Variants in SNTG1 observed in about 807,000 individuals in gnomAD.
The protein encoded by SNTG1 is syntrophin gamma 1, also known as gamma-1-syntrophin.
SNTG1 carries 39 observed loss-of-function variants against 74.7 expected under a neutral mutation model. The observed-to-expected ratio is 0.52, with a 90% CI of 0.40 to 0.68. SNTG1 has a LOEUF of 0.68. SNTG1 is among the 30% of genes least tolerant of loss of function. SNTG1 has a pLI of 0.00. For synonymous variants in SNTG1, 254 were observed against 217.1 expected, an observed-to-expected ratio of 1.17 and a Z score of -1.49; for missense variants, 685 against 609.5, an observed-to-expected ratio of 1.12 and a Z score of -1.30.
At chr8:50,235,748 T>C (rs2085857790) in intron 2 of SNTG1, among the ~76,000 whole-genome samples, 1 of 152,162 alleles carries the variant, frequency 6.6e-6, no homozygotes, top group Non-Finnish European at 1.5e-5. Context: ...TTTTACTTTG[T>C]AGGTGTTCTT....
intron 9 of SNTG1, among the ~76,000 whole-genome samples, chr8:50,517,710 G>A (rs886784846): frequency 2.0e-5 from 3 of 150,982 alleles, no homozygotes. Context: ...AGACAAAGAA[G>A]GGCATTATAT....
intron 12 of SNTG1, among the ~76,000 whole-genome samples, chr8:50,587,692 G>T (rs2094660293): frequency 6.6e-6 from 1 of 151,770 alleles, no homozygotes; most frequent in Admixed American, 6.6e-5. Flanking sequence ...GGGTGTGGTG[G>T]TGCACGCCTG....
At chr8:50,517,109 C>G (rs573348112) in intron 9 of SNTG1, among the ~76,000 whole-genome samples, 51 of 152,280 alleles carry the variant, frequency 3.3e-4, no homozygotes, top group Non-Finnish European at 6.5e-4. Context: ...CGCAGAAACT[C>G]AACAAGCCAG....
chr8:50,432,629 G>A (rs2093250719), intron 4 of SNTG1, among the ~76,000 whole-genome samples: 1 of 151,904 alleles, frequency 6.6e-6, no homozygotes, highest in Admixed American at 6.6e-5. Flanking sequence ...AAAATATTGA[G>A]TCTTTCAATT....
chr8:50,376,729 T>TTATA (rs375978893), intron 2 of SNTG1, among the ~76,000 whole-genome samples: 81 of 100,586 alleles, frequency 8.1e-4, no homozygotes, highest in African/African-American at 1.7e-3. Context: ...TATTAATAAA[T>TTATA]TATATATATA....
rs190756716 is a variant in SNTG1, at chr8:50,206,749, T to G, written c.-28+34114T>G. ...TTTTGAAATATGTCCCATCAATACC[T>G]AGTTTATTGAGAGTTTTTAGCATGA... On this transcript the variant is annotated intron_variant, in intron 2 of 18. Transcript: ENST00000642720. Among the ~76,000 whole-genome samples, 6 of 152,214 alleles carry G rather than the reference T, an allele frequency of 3.9e-5. No homozygotes were observed. In the East Asian group the frequency reaches 1.2e-3, roughly 29 times the overall value.
intron 1 of SNTG1, among the ~76,000 whole-genome samples, chr8:50,083,662 A>G (rs1822611994): frequency 6.6e-6 from 1 of 152,230 alleles, no homozygotes; most frequent in African/African-American, 2.4e-5. Flanking sequence ...AATGCAAGCA[A>G]CTACTTCAAG....
rs573012589 is a variant in SNTG1 at position 50,502,513 on chromosome 8, G to A, written c.364-265G>A. Among the ~76,000 whole-genome samples the A allele has an allele frequency of 2.6e-5, 4 of 152,266 alleles. No homozygotes were observed. The East Asian group carries it at 7.7e-4, about 29-fold the overall frequency. ...GATTCCTCATATTGCCTAATATAGA[G>A]CATAAACTCAGGAAGACCTCAACAA... On this transcript the variant is annotated intron_variant, in intron 8 of 18. Coordinates refer to ENST00000642720, the MANE Select transcript of SNTG1 (RefSeq NM_018967.5).
At chr8:50,442,772 A>T (rs2093370370) in intron 5 of SNTG1, among the ~76,000 whole-genome samples, 1 of 151,576 alleles carries the variant, frequency 6.6e-6, no homozygotes, top group African/African-American at 2.4e-5. Flanking sequence ...CTTCCCCCAA[A>T]GCTGGACAAA....
At chr8:50,762,483 C>T in intron 18 of SNTG1, 2 of 348,512 alleles carry the variant, frequency 5.7e-6, no homozygotes, top group South Asian at 2.6e-5. Flanking sequence ...AAGGCAGTGG[C>T]CAACTCATTA....
chr8:50,250,796 G>A (rs2086613912), intron 2 of SNTG1, among the ~76,000 whole-genome samples: 1 of 151,950 alleles, frequency 6.6e-6, no homozygotes, highest in Non-Finnish European at 1.5e-5. Context: ...TCGCAGACAA[G>A]CAAAAACTGA....
intron 15 of SNTG1, among the ~76,000 whole-genome samples, chr8:50,698,279 A>G (rs962440710): frequency 3.3e-5 from 5 of 152,146 alleles, no homozygotes; most frequent in Non-Finnish European, 4.4e-5. Context: ...CTTGGCCAAG[A>G]GGAGTGAGAT....
intron 2 of SNTG1, among the ~76,000 whole-genome samples, chr8:50,202,640 T>G (rs781247099): frequency 7.9e-5 from 12 of 152,162 alleles, no homozygotes; most frequent in Non-Finnish European, 1.8e-4. Flanking sequence ...CAGCAGAGAA[T>G]AAGTTGATAT....
At chr8:49,974,707 A>G (rs1388936098) in intron 1 of SNTG1, among the ~76,000 whole-genome samples, 2 of 152,170 alleles carry the variant, frequency 1.3e-5, no homozygotes, top group East Asian at 3.9e-4. Context: ...TTACAGCTAT[A>G]AAATCCAACG....
At chr8:50,439,371 T>G (rs905083834) in intron 5 of SNTG1, among the ~76,000 whole-genome samples, 1 of 152,058 alleles carries the variant, frequency 6.6e-6, no homozygotes, top group African/African-American at 2.4e-5. Flanking sequence ...TGAAAATAAT[T>G]TATATATTTC....
chr8:50,160,624 C>G (rs1384960589), intron 1 of SNTG1, among the ~76,000 whole-genome samples: 2 of 133,262 alleles, frequency 1.5e-5, no homozygotes, highest in Non-Finnish European at 3.1e-5. Flanking sequence ...CCCTGAATAA[C>G]AAGGCATGTG....
At chr8:49,937,870 C>T (rs1443652499) in intron 1 of SNTG1, among the ~76,000 whole-genome samples, 3 of 152,040 alleles carry the variant, frequency 2.0e-5, no homozygotes, top group Non-Finnish European at 4.4e-5. Context: ...TCCTGCCTTC[C>T]TCCCTCCTCC....
intron 2 of SNTG1, among the ~76,000 whole-genome samples, chr8:50,367,448 T>C (rs1350625921): frequency 6.6e-6 from 1 of 152,140 alleles, no homozygotes; most frequent in Non-Finnish European, 1.5e-5. Flanking sequence ...ACATTAGATT[T>C]TAACCCTGCA....
intron 2 of SNTG1, among the ~76,000 whole-genome samples, chr8:50,183,335 C>T (rs2131728504): frequency 6.6e-6 from 1 of 152,244 alleles, no homozygotes. Flanking sequence ...TCCCTCTCAG[C>T]TATTTGTGCA....
Sources: gnomAD v4.1 joint callset for allele counts (sites outside exome capture counted in the v4.1 genomes callset) on GRCh38, gnomAD v4.1.1 for gene constraint, MANE v1.5 for transcripts, NCBI Gene and HGNC (gene_info 2026-07-23, HGNC 2026-07-21) for gene names.